Variants in RAB6A observed in about 807,000 individuals in gnomAD.
The protein encoded by RAB6A is ras-related protein Rab-6A.
Under a neutral mutation model 32.3 loss-of-function variants are expected in RAB6A, and 8 were observed. That is an observed-to-expected ratio of 0.25 (90% CI 0.15 to 0.45). RAB6A has a LOEUF of 0.45. Among genes scored for constraint, RAB6A ranks in the 20% least tolerant of loss-of-function variants. RAB6A has a pLI of 1.00. For synonymous variants in RAB6A, 73 were observed against 82.1 expected (o/e 0.89, Z 0.60); for missense variants, 104 against 249.4 (o/e 0.42, Z 3.93).
At chr11:73,753,031 T>G (rs1026872522) in intron 1 of RAB6A, among the ~76,000 whole-genome samples, 1 of 152,114 alleles carries the variant, frequency 6.6e-6, no homozygotes, top group Non-Finnish European at 1.5e-5. Flanking sequence ...CGGGAATCAC[T>G]TGAGGCCAGG....
chr11:73,743,096 G>A (rs1453821011), intron 1 of RAB6A, among the ~76,000 whole-genome samples: 1 of 151,878 alleles, frequency 6.6e-6, no homozygotes, highest in Non-Finnish European at 1.5e-5. Flanking sequence ...TCGAGTTTGA[G>A]ACCAGCCTGG....
At chr11:73,716,140 G>T in intron 5 of RAB6A, 111 bp downstream of exon 5, 4 of 747,754 alleles carry the variant, frequency 5.3e-6, no homozygotes, top group Non-Finnish European at 2.1e-6. Flanking sequence ...AGGGGAGGAC[G>T]TAAACTTAAG....
chr11:73,760,778 TG>T lies in RAB6A; in HGVS notation c.-144del, dbSNP rs1946833255. ...GCAAGGCCCGGTGGAGGAGCCCGGC[TG>T]GAGGGCAGCAGGACTCTCCACAGAC... On this transcript the variant is annotated 5_prime_UTR_variant, in exon 1 of 8. Transcript: ENST00000336083. 8.3e-7 allele frequency: 1 copy of T among 1,208,124 alleles called. No homozygotes were observed. The highest frequency in any genetic ancestry group is 1.5e-5 in the African/African-American group (1 of 65,558). The allele number at this position is 1,208,124 out of a possible 1,614,324, so 74.8% of individuals were successfully genotyped here.
intron 6 of RAB6A, among the ~76,000 whole-genome samples, chr11:73,701,207 A>T (rs1228524817): frequency 6.6e-6 from 1 of 152,246 alleles, no homozygotes; most frequent in Non-Finnish European, 1.5e-5. Context: ...TATATACCTT[A>T]TATACAGAAA....
intron 1 of RAB6A, among the ~76,000 whole-genome samples, chr11:73,757,129 ATTTTTTTTTTTTTT>A (rs869261713): frequency 3.3e-4 from 10 of 30,348 alleles, no homozygotes; most frequent in African/African-American, 1.9e-3. Flanking sequence ...ATATATATAT[ATTTTTTTTTTTTTT>A]TTTTTTTTTT....
In RAB6A at chr11:73,760,842, A is replaced by C; in HGVS notation, c.-207T>G. On this transcript the variant is annotated 5_prime_UTR_variant, in exon 1 of 8. Coordinates refer to ENST00000336083, the MANE Select transcript of RAB6A (RefSeq NM_198896.2). ...CCGCCTCCCGGCAGAGTAGCCTAGC[A>C]CCGAGCGAGGCCCGCGGCTGGGAAG... 1 of 615,972 alleles carries C rather than the reference A, an allele frequency of 1.6e-6. No homozygotes were observed. Among genetic ancestry groups the C allele is most frequent in the Non-Finnish European group, 2.7e-6 (1 of 372,866 alleles). 38.2% of individuals were successfully genotyped at this position (615,972 alleles called of 1,614,324 possible).
intron 1 of RAB6A, among the ~76,000 whole-genome samples, chr11:73,749,845 G>C (rs922418397): frequency 6.6e-6 from 1 of 152,006 alleles, no homozygotes; most frequent in Non-Finnish European, 1.5e-5. Context: ...CTGGGTAACA[G>C]AGCAAGACCC....
chr11:73,693,406 T>C (rs918797900), intron 6 of RAB6A, among the ~76,000 whole-genome samples: 3 of 152,090 alleles, frequency 2.0e-5, no homozygotes, highest in Non-Finnish European at 4.4e-5. Flanking sequence ...AGTAGGTACA[T>C]GAATCAGAGA....
At chr11:73,695,722 G>C (rs935146300) in intron 6 of RAB6A, among the ~76,000 whole-genome samples, 6 of 152,086 alleles carry the variant, frequency 3.9e-5, no homozygotes, top group African/African-American at 2.4e-5. Context: ...ATCTTTGCTG[G>C]AACAGCTTCT....
intron 6 of RAB6A, among the ~76,000 whole-genome samples, chr11:73,685,723 A>AT (rs1327633448): frequency 6.8e-6 from 1 of 147,614 alleles, no homozygotes; most frequent in African/African-American, 2.5e-5. Flanking sequence ...TATTAAAAAT[A>AT]CAAAAAAAAA....
chr11:73,734,752 G>A (rs553901115), intron 1 of RAB6A, among the ~76,000 whole-genome samples: 6 of 152,230 alleles, frequency 3.9e-5, no homozygotes, highest in Admixed American at 1.3e-4. Context: ...ACCTCCTGCC[G>A]TGAGGCCTGG....
rs1304852296 is a variant in RAB6A, at chr11:73,682,165, A to G, written c.496-2445T>C. ...TGTGAATATTAGGTTTGAAACATAG[A>G]TAAATATTCTAGCTGAGTGTGGCGA... is the stretch of plus-strand genomic sequence containing the variant. On this transcript the variant is annotated intron_variant, in intron 6 of 7. Transcript: ENST00000336083. Among the ~76,000 whole-genome samples the G allele has an allele frequency of 2.0e-5, 3 of 152,212 alleles. No individual in the cohort carries two copies. The South Asian group carries it at 6.2e-4, about 31-fold the overall frequency.
At chr11:73,753,295 G>A (rs1055797842) in intron 1 of RAB6A, among the ~76,000 whole-genome samples, 2 of 152,016 alleles carry the variant, frequency 1.3e-5, no homozygotes, top group African/African-American at 2.4e-5. Flanking sequence ...TGCCTCCCGG[G>A]CTCAAGTGAC....
intron 2 of RAB6A, among the ~76,000 whole-genome samples, chr11:73,726,281 T>C (rs1946217264): frequency 7.8e-6 from 1 of 128,424 alleles, no homozygotes; most frequent in Non-Finnish European, 1.6e-5. Context: ...CAAGACTCCG[T>C]CTCAAAAAAA....
At chr11:73,739,282 AAAATATATATAT>A (rs1220033354) in intron 1 of RAB6A, among the ~76,000 whole-genome samples, 4 of 15,332 alleles carry the variant, frequency 2.6e-4, no homozygotes, top group Non-Finnish European at 1.6e-4. Context: ...AAAAAAAAAA[AAAATATATATAT>A]ATATATATAT....
chr11:73,750,502 T>C (rs1016041865), intron 1 of RAB6A, among the ~76,000 whole-genome samples: 1 of 152,096 alleles, frequency 6.6e-6, no homozygotes, highest in African/African-American at 2.4e-5. Flanking sequence ...ATTATAGGCA[T>C]GTGCCACCGC....
chr11:73,743,599 A>T (rs551958027), intron 1 of RAB6A, among the ~76,000 whole-genome samples: 44 of 152,070 alleles, frequency 2.9e-4, no homozygotes, highest in Middle Eastern at 3.4e-3. Context: ...CCTGGGCAAT[A>T]TGGCGAGATC....
rs1555066890 is a variant in RAB6A, at chr11:73,739,263, T to TTAAAAAAA, written c.71-8441_71-8440insTTTTTTTA. On this transcript the variant is annotated intron_variant, in intron 1 of 7. Transcript: ENST00000336083. ...GCAAAAAAAAAATAGTAATAATAAT[T>TTAAAAAAA]AAAAAAAAAAAAAAAAAAAAAATAT... Among the ~76,000 whole-genome samples, 42 of 9,384 alleles carry TTAAAAAAA rather than the reference T, an allele frequency of 4.5e-3. 5 individuals are homozygous for TTAAAAAAA. Among genetic ancestry groups the TTAAAAAAA allele is most frequent in the African/African-American group, 5.0e-3 (14 of 2,800 alleles). 6.2% of individuals were successfully genotyped at this position (9,384 alleles called of 152,430 possible).
intron 5 of RAB6A, among the ~76,000 whole-genome samples, chr11:73,712,983 G>A (rs1032958156): frequency 1.3e-5 from 2 of 152,120 alleles, no homozygotes; most frequent in African/African-American, 4.8e-5. Flanking sequence ...TTGCCAAAGT[G>A]CTGGGAGGTG....
Sources: gnomAD v4.1 joint callset for allele counts (sites outside exome capture counted in the v4.1 genomes callset) on GRCh38, gnomAD v4.1.1 for gene constraint, MANE v1.5 for transcripts, NCBI Gene and HGNC (gene_info 2026-07-23, HGNC 2026-07-21) for gene names.